Variants in SDF2 observed in about 807,000 individuals in gnomAD.
SDF2 encodes the protein stromal cell-derived factor 2.
A neutral mutation model predicts 20.5 loss-of-function variants in SDF2; 12 were observed. That is an observed-to-expected ratio of 0.58 (90% confidence interval 0.37 to 0.95). The LOEUF (loss-of-function observed/expected upper bound fraction) is 0.95, where lower values mean the gene tolerates loss of function less well. Ranked by LOEUF, SDF2 falls within the 40% of genes least tolerant of loss-of-function variation. SDF2 has a pLI of 0.01. For missense variants in SDF2, 238 were observed against 263.1 expected, an observed-to-expected ratio of 0.90 and a Z score of 0.66; for synonymous variants, 100 against 101.0, an observed-to-expected ratio of 0.99 and a Z score of 0.06.
upstream of SDF2, chr17:28,662,143 G>A (rs527676851): frequency 1.8e-5 from 7 of 380,304 alleles, no homozygotes; most frequent in African/African-American, 1.4e-4. Context: ...CCGAGAGCGG[G>A]AGAGAGAACA....
At chr17:28,657,185 C>T (rs972792996) in intron 1 of SDF2, among the ~76,000 whole-genome samples, 1 of 152,144 alleles carries the variant, frequency 6.6e-6, no homozygotes, top group Non-Finnish European at 1.5e-5. Context: ...CGAGATCACA[C>T]CACCGCACTC....
In SDF2 at chr17:28,661,881, A is replaced by G. The variant is rs1247638197; in HGVS notation, c.-5T>C. 3 of 1,596,036 alleles carry G rather than the reference A, an allele frequency of 1.9e-6. No individual in the cohort carries two copies. Among genetic ancestry groups the G allele is most frequent in the African/African-American group, 2.7e-5 (2 of 74,568 alleles). The stretch of plus-strand genomic sequence containing the variant: ...CAGCAGAGGTACTACAGCCATCCTA[A>G]CTGTATCGCGGAGCCCCAAATCTTC... On this transcript the variant is annotated 5_prime_UTR_variant, in exon 1 of 3. Transcript: ENST00000247020.
chr17:28,657,402 G>C lies in SDF2; in HGVS notation c.152-1919C>G, dbSNP rs367888412. ...TCTCTAAACGTACATATATATATAT[G>C]TATTTTTTTTTTTTGATACAGGATC... On this transcript the variant is annotated intron_variant, in intron 1 of 2. Coordinates refer to ENST00000247020, the MANE Select transcript of SDF2 (RefSeq NM_006923.4). 1.1e-4 allele frequency among the ~76,000 whole-genome samples: 16 copies of C among 151,534 alleles called. No homozygotes were observed. The East Asian group carries it at 1.4e-3, about 13-fold the overall frequency.
At position 28,661,710 on chromosome 17, in the gene SDF2, CG is replaced by C; in HGVS notation, c.151+15del. ...GAGTCCTCCCTAGCCCACCCGAGCC[CG>C]GTCCCCAGCATTACCTGACCCATAG... On this transcript the variant is annotated intron_variant, in intron 1 of 2. Coordinates refer to ENST00000247020, the MANE Select transcript of SDF2 (RefSeq NM_006923.4). The C allele has an allele frequency of 1.2e-6, 2 of 1,604,706 alleles. No homozygotes were observed. The highest frequency in any genetic ancestry group is 1.7e-6 in the Non-Finnish European group (2 of 1,172,278).
Position 28,648,654 on chromosome 17 carries a change from A to G in SDF2, c.*335T>C. On this transcript the variant is annotated 3_prime_UTR_variant, in exon 3 of 3. Transcript: ENST00000247020. Reference sequence around the variant, plus strand: ...AATAGGGGGAAAATCACATACATTAACAGTCCATGATGCCAAGCTCCTGAA... The same window carrying G: ...AATAGGGGGAAAATCACATACATTAGCAGTCCATGATGCCAAGCTCCTGAA... 1 of 322,006 alleles carries G rather than the reference A, an allele frequency of 3.1e-6. No homozygotes were observed. Among genetic ancestry groups the G allele is most frequent in the South Asian group, 4.7e-5 (1 of 21,186 alleles). The allele number at this position is 322,006 out of a possible 1,614,324, so 19.9% of individuals were successfully genotyped here.
intron 1 of SDF2, among the ~76,000 whole-genome samples, chr17:28,660,213 T>C (rs994996980): frequency 6.6e-6 from 1 of 152,128 alleles, no homozygotes; most frequent in Admixed American, 6.5e-5. Flanking sequence ...CAGTCCAGCC[T>C]CGGCAACAGA....
rs558634010 is a variant in SDF2 at position 28,649,145 on chromosome 17, A to T, written c.480T>A (p.Ser160=). The T allele has an allele frequency of 6.2e-6, 10 of 1,614,220 alleles. No homozygotes were observed. In the South Asian group the frequency reaches 9.9e-5, roughly 16 times the overall value. ...FKHSSTEVLL[S]VTGEQYGRPI... is the part of the protein sequence containing the mutation. Reference sequence around the variant, plus strand: ...GTCGACCATATTGTTCTCCTGTGACAGACAGCAGTACCTCAGTGGAAGAGT... The same window carrying T: ...GTCGACCATATTGTTCTCCTGTGACTGACAGCAGTACCTCAGTGGAAGAGT... Residue 160 remains serine (S), a synonymous_variant, in exon 3 of 3, where the codon TCT becomes TCA. Transcript: ENST00000247020.
chr17:28,657,365 A>G (rs1377137731), intron 1 of SDF2, among the ~76,000 whole-genome samples: 1 of 152,054 alleles, frequency 6.6e-6, no homozygotes, highest in Non-Finnish European at 1.5e-5. Flanking sequence ...TCAGCAACAT[A>G]GCAAAATGCA....
chr17:28,659,003 T>C (rs1277272158), intron 1 of SDF2, among the ~76,000 whole-genome samples: 2 of 129,894 alleles, frequency 1.5e-5, no homozygotes, highest in Admixed American at 7.9e-5. Context: ...GAGGCGCTCC[T>C]CCCCTCCCAG....
intron 1 of SDF2, chr17:28,656,264 C>T (rs2151583221): frequency 6.6e-6 from 1 of 151,846 alleles, no homozygotes; most frequent in East Asian, 1.9e-4. Context: ...GCCACTGTGC[C>T]CAGCCTTTTT....
intron 2 of SDF2, among the ~76,000 whole-genome samples, chr17:28,652,303 A>G (rs1291025344): frequency 6.6e-6 from 1 of 152,050 alleles, no homozygotes; most frequent in Non-Finnish European, 1.5e-5. Context: ...ACAGGTAACA[A>G]TTCTTTATTT....
intron 1 of SDF2, chr17:28,661,091 A>G: frequency 2.5e-6 from 1 of 393,830 alleles, no homozygotes; most frequent in East Asian, 7.1e-5. Flanking sequence ...GCTAAAAAAA[A>G]AAAAAAAAAA....
intron 1 of SDF2, among the ~76,000 whole-genome samples, chr17:28,656,661 C>T (rs959664671): frequency 1.3e-5 from 2 of 152,160 alleles, no homozygotes; most frequent in Non-Finnish European, 2.9e-5. Flanking sequence ...AAGGGTATGT[C>T]ATATCAGAAA....
intron 1 of SDF2, among the ~76,000 whole-genome samples, chr17:28,659,358 C>T (rs553127865): frequency 7.3e-5 from 9 of 122,776 alleles, no homozygotes; most frequent in South Asian, 2.7e-4. Flanking sequence ...ACTTCCCAGA[C>T]GGGGCAGCCG....
At chr17:28,655,859 C>T in intron 1 of SDF2, 1 of 221,112 alleles carries the variant, frequency 4.5e-6, no homozygotes. Flanking sequence ...ATGGCTAAGC[C>T]TTTGTAAAAC....
At chr17:28,658,465 G>C (rs374869237) in intron 1 of SDF2, among the ~76,000 whole-genome samples, 8 of 152,232 alleles carry the variant, frequency 5.3e-5, no homozygotes, top group Non-Finnish European at 1.0e-4. Flanking sequence ...GACTCTTAAC[G>C]AGCATGCTGC....
rs1462058019 is a variant in SDF2 at position 28,658,797 on chromosome 17, G to A, written c.151+2929C>T. On this transcript the variant is annotated intron_variant, in intron 1 of 2. Transcript: ENST00000247020. Reference sequence around the variant, plus strand: ...TTCGGTGCTGTTGGGTACACCTGCAGAAAGGCTGTCACTTCACACTTGGAA... The same window carrying A: ...TTCGGTGCTGTTGGGTACACCTGCAAAAAGGCTGTCACTTCACACTTGGAA... Among the ~76,000 whole-genome samples the A allele has an allele frequency of 2.0e-5, 3 of 152,334 alleles. No individual in the cohort carries two copies. The East Asian group carries it at 5.8e-4, about 29-fold the overall frequency.
At chr17:28,660,181 G>A (rs2072010227) in intron 1 of SDF2, among the ~76,000 whole-genome samples, 1 of 152,246 alleles carries the variant, frequency 6.6e-6, no homozygotes, top group African/African-American at 2.4e-5. Flanking sequence ...GGAGGTTGCA[G>A]CGAGCCGAGA....
chr17:28,662,177 T>C (rs564204121), upstream of SDF2: 7 of 288,784 alleles, frequency 2.4e-5, no homozygotes, highest in Non-Finnish European at 4.0e-5. Flanking sequence ...CCACTCCCGG[T>C]GACAGGGAGC....
Sources: gnomAD v4.1 joint callset for allele counts (sites outside exome capture counted in the v4.1 genomes callset) on GRCh38, gnomAD v4.1.1 for gene constraint, MANE v1.5 for transcripts, NCBI Gene and HGNC (gene_info 2026-07-23, HGNC 2026-07-21) for gene names.